Variants in BACE2 observed in about 807,000 individuals in gnomAD.
BACE2 encodes the protein 56 kDa aspartic-like protease.
In BACE2, 17 loss-of-function variants were observed where a neutral mutation model predicts 46.2. That is an observed-to-expected ratio of 0.37 (90% confidence interval 0.25 to 0.55). The LOEUF is 0.55. Among genes scored for constraint, BACE2 ranks in the 20% least tolerant of loss-of-function variants. BACE2 has a pLI of 0.82. For missense variants in BACE2, 595 were observed against 698.1 expected, an observed-to-expected ratio of 0.85 and a Z score of 1.66; for synonymous variants, 277 against 295.9, an observed-to-expected ratio of 0.94 and a Z score of 0.66.
At chr21:41,208,993 C>T (rs181441997) in intron 1 of BACE2, among the ~76,000 whole-genome samples, 2 of 152,172 alleles carry the variant, frequency 1.3e-5, no homozygotes, top group African/African-American at 2.4e-5. Context: ...CCAGCTGGAA[C>T]GTTGCCCTCT....
chr21:41,274,876 A>T (rs1198511357), intron 8 of BACE2, among the ~76,000 whole-genome samples: 10 of 152,150 alleles, frequency 6.6e-5, no homozygotes. Flanking sequence ...CTGTTGTAGA[A>T]TCCATGGTAG....
chr21:41,168,385 G>T lies in BACE2; in HGVS notation c.122G>T (p.Arg41Leu). 1 of 1,412,916 alleles carries T rather than the reference G, an allele frequency of 7.1e-7. No individual in the cohort carries two copies. The highest frequency in any genetic ancestry group is 9.3e-7 in the Non-Finnish European group (1 of 1,080,112). 87.5% of individuals were successfully genotyped at this position (1,412,916 alleles called of 1,614,324 possible). A position where few individuals can be genotyped will look rare whatever the true frequency, so the allele number is the denominator to read the frequency against. ...CTCCGGGTGGCCGCGGCCACGAACC[G>T]CGTAGTTGCGCCCACCCCGGGACCC... is the stretch of plus-strand genomic sequence containing the variant. ...LPLRVAAATN[R>L]VVAPTPGPGT... The change falls in exon 1 of 9, where the codon CGC becomes CTC. Residue 41 changes from arginine to leucine, a missense_variant. Around this residue, in one of 3 missense-constraint regions of BACE2, gnomAD observed 248 missense variants for 261.4 expected, o/e 0.95. Coordinates refer to ENST00000330333, the MANE Select transcript of BACE2 (RefSeq NM_012105.5).
rs771098505 is a variant in BACE2 at position 41,168,561 on chromosome 21, AC to A, written c.305del (p.Pro102ArgfsTer25). 1.7e-5 allele frequency: 22 copies of A among 1,323,078 alleles called. No homozygotes were observed. The highest frequency in any genetic ancestry group is 5.5e-5 in the South Asian group (2 of 36,274). 82.0% of individuals were successfully genotyped at this position (1,323,078 alleles called of 1,614,324 possible). On this transcript the variant is annotated frameshift_variant, in exon 1 of 9. Coordinates refer to ENST00000330333, the MANE Select transcript of BACE2 (RefSeq NM_012105.5). LOFTEE classifies it high-confidence loss of function. ...RGYYLEMLIGTPPQKLQILVD... is the reference protein window; with the variant it reads ...RGYYLEMLIGXPPQKLQILVD... ...CTACTACCTGGAGATGCTGATCGGG[AC>A]CCCCCCGCAGAAGGTAGGGACCCCC...
At chr21:41,271,210 A>T (rs2088430921) in intron 8 of BACE2, among the ~76,000 whole-genome samples, 2 of 148,246 alleles carry the variant, frequency 1.3e-5, no homozygotes, top group South Asian at 2.1e-4. Flanking sequence ...AGTTTCCTGT[A>T]GGGAGAATAT....
intron 1 of BACE2, chr21:41,184,957 C>T (rs1052317575): frequency 6.0e-6 from 1 of 167,010 alleles, no homozygotes; most frequent in Admixed American, 6.5e-5. Flanking sequence ...ATATATTCGT[C>T]ATCTAACTTG....
chr21:41,168,702 G>GGC, intron 1 of BACE2, 127 bp downstream of exon 1: 1 of 420,102 alleles, frequency 2.4e-6, no homozygotes, highest in Non-Finnish European at 3.6e-6. Context: ...GAAGAGCGGG[G>GGC]AACGCAGAGG....
At chr21:41,210,563 A>G (rs999002415) in intron 1 of BACE2, among the ~76,000 whole-genome samples, 1 of 152,132 alleles carries the variant, frequency 6.6e-6, no homozygotes, top group African/African-American at 2.4e-5. Flanking sequence ...GCCAGATTCA[A>G]ATGACTGCAG....
At chr21:41,224,148 T>C (rs1372908237) in intron 1 of BACE2, among the ~76,000 whole-genome samples, 1 of 151,728 alleles carries the variant, frequency 6.6e-6, no homozygotes, top group East Asian at 1.9e-4. Context: ...ACTGAGGTCC[T>C]TGGCAAAATT....
chr21:41,247,629 G>A (rs1987510560), intron 6 of BACE2, among the ~76,000 whole-genome samples: 1 of 152,248 alleles, frequency 6.6e-6, no homozygotes, highest in Non-Finnish European at 1.5e-5. Context: ...TCGTGGACCG[G>A]CCAGACCCCT....
chr21:41,209,882 C>T (rs990312829), intron 1 of BACE2, among the ~76,000 whole-genome samples: 40 of 152,254 alleles, frequency 2.6e-4, no homozygotes, highest in African/African-American at 9.1e-4. Context: ...TGTTTAAGGG[C>T]GTTGGCTATG....
chr21:41,198,888 A>ATTTATTTATTTATTG (rs530458143), intron 1 of BACE2, among the ~76,000 whole-genome samples: 1 of 131,638 alleles, frequency 7.6e-6, no homozygotes, highest in African/African-American at 2.9e-5. Flanking sequence ...TTTATTTATT[A>ATTTATTTATTTATTG]TACTTTAAGT....
intron 2 of BACE2, among the ~76,000 whole-genome samples, chr21:41,237,243 C>T (rs537422711): frequency 3.0e-4 from 46 of 152,148 alleles, no homozygotes; most frequent in African/African-American, 1.1e-3. Flanking sequence ...GTCAAGAGAT[C>T]GAGACCATCC....
chr21:41,209,287 C>G (rs1251796347), intron 1 of BACE2, among the ~76,000 whole-genome samples: 1 of 152,198 alleles, frequency 6.6e-6, no homozygotes, highest in Non-Finnish European at 1.5e-5. Flanking sequence ...TGCTGCTTCC[C>G]TCCACTCGCC....
At position 41,278,380 on chromosome 21, in the gene BACE2, G is replaced by C. The variant is rs2088511951; in HGVS notation, c.*2756G>C. On this transcript the variant is annotated 3_prime_UTR_variant, in exon 9 of 9. Coordinates refer to ENST00000330333, the MANE Select transcript of BACE2 (RefSeq NM_012105.5). Reference sequence around the variant, plus strand: ...GAATTTGAAAGAGCCACAAGTGATTGGTGTCCGATCTCCCAGCATATACTG... The same window carrying C: ...GAATTTGAAAGAGCCACAAGTGATTCGTGTCCGATCTCCCAGCATATACTG... 6.6e-6 allele frequency: 1 copy of C among 152,182 alleles called. No homozygotes were observed. The highest frequency in any genetic ancestry group is 2.4e-5 in the African/African-American group (1 of 41,444). The allele number at this position is 152,182 out of a possible 1,614,324, so 9.4% of individuals were successfully genotyped here. A position where few individuals can be genotyped will look rare whatever the true frequency, so the allele number is the denominator to read the frequency against.
In BACE2 at chr21:41,280,399, C is replaced by T. The variant is rs2123664437; in HGVS notation, c.*4775C>T. 1 of 152,424 alleles carries T rather than the reference C, an allele frequency of 6.6e-6. No individual in the cohort carries two copies. The highest frequency in any genetic ancestry group is 2.4e-5 in the African/African-American group (1 of 41,592). The allele number at this position is 152,424 out of a possible 1,614,324, so 9.4% of individuals were successfully genotyped here. The stretch of plus-strand genomic sequence containing the variant: ...CTTCTTTCTCCAGAATGTCTTCTGT[C>T]AGAGACTTCCAGGAAAGGAGCTCCC... On this transcript the variant is annotated 3_prime_UTR_variant, in exon 9 of 9. Coordinates refer to ENST00000330333, the MANE Select transcript of BACE2 (RefSeq NM_012105.5).
At chr21:41,238,122 A>T (rs1319711226) in intron 3 of BACE2, among the ~76,000 whole-genome samples, 1 of 152,230 alleles carries the variant, frequency 6.6e-6, no homozygotes, top group Admixed American at 6.5e-5. Context: ...CCTGGAATGC[A>T]GGCAGGGGGT....
In BACE2 at chr21:41,242,021, C is replaced by A. The variant is rs1234821452; in HGVS notation, c.747+74C>A. ...CTGTTTTTTTCTGTTTTATTAAACACCTGAGCAGAAATATTAGGCATGTAG... is the reference window on the plus strand; with the variant it reads ...CTGTTTTTTTCTGTTTTATTAAACAACTGAGCAGAAATATTAGGCATGTAG... On this transcript the variant is annotated intron_variant, in intron 4 of 8. Transcript: ENST00000330333. The A allele has an allele frequency of 6.2e-5, 98 of 1,584,462 alleles. No homozygotes were observed. The East Asian group carries it at 2.0e-3, about 32-fold the overall frequency.
chr21:41,262,345 A>G (rs990561289), intron 8 of BACE2, among the ~76,000 whole-genome samples: 1 of 152,162 alleles, frequency 6.6e-6, no homozygotes, highest in Non-Finnish European at 1.5e-5. Flanking sequence ...GTCATGTACC[A>G]AGTCCCCATT....
intron 1 of BACE2, 124 bp downstream of exon 1, chr21:41,168,699 G>C: frequency 1.3e-6 from 1 of 767,890 alleles, no homozygotes; most frequent in East Asian, 3.5e-5. Context: ...ACAGAAGAGC[G>C]GGGAACGCAG....
Sources: gnomAD v4.1 joint callset for allele counts (sites outside exome capture counted in the v4.1 genomes callset) on GRCh38, gnomAD v4.1.1 for gene constraint, gnomAD v4.1.1 regional missense constraint, MANE v1.5 for transcripts, NCBI Gene and HGNC (gene_info 2026-07-23, HGNC 2026-07-21) for gene names.